The following CFAP45 variants were observed in gnomAD, a reference collection of about 807,000 sequenced individuals.
CFAP45 encodes the protein cilia- and flagella-associated protein 45.
A neutral mutation model predicts 75.6 loss-of-function variants in CFAP45; 43 were observed. The ratio of observed to expected loss-of-function variants is 0.57; its 90% CI spans 0.45 to 0.73. CFAP45 has a LOEUF of 0.73. Ranked by LOEUF, CFAP45 falls within the 30% of genes least tolerant of loss-of-function variation. CFAP45 has a pLI of 0.00. For synonymous variants in CFAP45, 223 were observed against 244.6 expected (o/e 0.91, Z 0.82); for missense variants, 689 against 701.5 (o/e 0.98, Z 0.20).
At chr1:159,888,533 G>A (rs1392649386) in intron 3 of CFAP45, 37 bp from the exon 4 acceptor site, 1 of 1,602,870 alleles carries the variant, frequency 6.2e-7, no homozygotes, top group Admixed American at 1.7e-5. Context: ...GAGGGGAGAG[G>A]GAAAGCTCTC....
In CFAP45 at chr1:159,876,704, A is replaced by C. The variant is rs1649411832; in HGVS notation, c.1204T>G (p.Trp402Gly). The C allele has an allele frequency of 9.9e-6, 16 of 1,613,586 alleles. No homozygotes were observed. The highest frequency in any genetic ancestry group is 1.2e-5 in the Non-Finnish European group (14 of 1,179,940). Residue 402 changes from tryptophan (W) to glycine (G), a missense_variant, in exon 10 of 12, where the codon TGG becomes GGG. Physicochemically the swap from Trp to Gly is radical, Grantham distance 184 (BLOSUM62 -2). Coordinates refer to ENST00000368099, the MANE Select transcript of CFAP45 (RefSeq NM_012337.3). ...KRNQEVADRE[W>G]RRKEKENARK... ...GCATTTTCCTTTTCCTTTCTGCGCC[A>C]CTCTCTGTCTGCAACCTCCTGGTTG...
At chr1:159,880,997 T>G (rs1649536164) in intron 7 of CFAP45, among the ~76,000 whole-genome samples, 1 of 152,216 alleles carries the variant, frequency 6.6e-6, no homozygotes, top group Non-Finnish European at 1.5e-5. Context: ...CTCTCACATG[T>G]TTTGCTAAAT....
chr1:159,896,527 C>G (rs763193367), intron 1 of CFAP45, among the ~76,000 whole-genome samples: 5 of 152,208 alleles, frequency 3.3e-5, no homozygotes, highest in Non-Finnish European at 7.3e-5. Context: ...AAATGTAAAG[C>G]TGGATCCCTC....
At position 159,876,687 on chromosome 1, in the gene CFAP45, CT is replaced by C; in HGVS notation, c.1220del (p.Lys407ArgfsTer119). On this transcript the variant is annotated frameshift_variant, in exon 10 of 12. Transcript: ENST00000368099. LOFTEE classifies it high-confidence loss of function. ...VADREWRRKE[K>X]ENARKKMETE... is the part of the protein sequence containing the mutation. ...TTTCCATCTTCTTCCGCGCATTTTC[CT>C]TTTCCTTTCTGCGCCACTCTCTGTC... 6.2e-7 allele frequency: 1 copy of C among 1,614,194 alleles called. No individual in the cohort carries two copies. The highest frequency in any genetic ancestry group is 1.1e-5 in the South Asian group (1 of 91,080).
chr1:159,878,782 A>AAAAAAAAAAAAAAAAAAAAC (rs1649476344), intron 8 of CFAP45, among the ~76,000 whole-genome samples: 2 of 141,472 alleles, frequency 1.4e-5, no homozygotes, highest in South Asian at 4.5e-4. Context: ...AAAAAAAAAA[A>AAAAAAAAAAAAAAAAAAAAC]CCTTCCTTGC....
chr1:159,881,400 C>A (rs1649547430), intron 7 of CFAP45, among the ~76,000 whole-genome samples: 1 of 152,196 alleles, frequency 6.6e-6, no homozygotes, highest in African/African-American at 2.4e-5. Context: ...TTTCTAAATT[C>A]TCTCTGCACT....
chr1:159,895,682 G>A (rs1649936547), intron 1 of CFAP45, among the ~76,000 whole-genome samples: 1 of 152,216 alleles, frequency 6.6e-6, no homozygotes, highest in Non-Finnish European at 1.5e-5. Flanking sequence ...GCAGCCCCAA[G>A]GATGCCTAAT....
chr1:159,880,579 AC>A lies in CFAP45; in HGVS notation c.1018del (p.Val340Ter). The A allele has an allele frequency of 6.2e-7, 1 of 1,612,782 alleles. No individual in the cohort carries two copies. Among genetic ancestry groups the A allele is most frequent in the South Asian group, 1.1e-5 (1 of 90,784 alleles). The part of the protein sequence containing the change: ...LAQEKLADQM[V>X]MEFTKKKMAR... ...CATCTTCTTCTTGGTAAACTCCATCACCATCTGGTCTGCCAGCTTCTCCTGA... is the reference window on the plus strand; with the variant it reads ...CATCTTCTTCTTGGTAAACTCCATCACATCTGGTCTGCCAGCTTCTCCTGA... On this transcript the variant is annotated frameshift_variant, in exon 8 of 12. Transcript: ENST00000368099. LOFTEE classifies it high-confidence loss of function.
chr1:159,872,489 T>C lies in CFAP45; in HGVS notation c.1652A>G (p.Asn551Ser). ...TGAGGGCCACGAAGGCTCCCCTCAG[T>C]TCACAGAGGTAGCTGGCAGGATGTT... ...KANILPATSV[N>S] Residue 551 changes from asparagine (N) to serine (S), a missense_variant, in exon 12 of 12, where the codon AAC becomes AGC. Physicochemically the swap from Asn to Ser is conservative, Grantham distance 46 (BLOSUM62 1). Transcript: ENST00000368099. 1 of 1,614,028 alleles carries C rather than the reference T, an allele frequency of 6.2e-7. No homozygotes were observed. Among genetic ancestry groups the C allele is most frequent in the East Asian group, 2.2e-5 (1 of 44,866 alleles).
At chr1:159,887,061 T>C (rs1475590065) in intron 5 of CFAP45, among the ~76,000 whole-genome samples, 1 of 151,976 alleles carries the variant, frequency 6.6e-6, no homozygotes, top group African/African-American at 2.4e-5. Flanking sequence ...ACTTCAGAGG[T>C]CCATTGTTCC....
intron 1 of CFAP45, among the ~76,000 whole-genome samples, chr1:159,899,324 A>AACT (rs1233771724): frequency 6.6e-6 from 1 of 152,128 alleles, no homozygotes; most frequent in Non-Finnish European, 1.5e-5. Context: ...TTTATTGACT[A>AACT]ACTACTGAGG....
rs1649729438 is a variant in CFAP45 at position 159,887,901 on chromosome 1, G to A, written c.528C>T (p.Leu176=). ...TCCGCAGCTTGTTGGCTCTCTGCAG[G>A]AGGTTCTGGGCCCGTTCCTTGGCCA... is the stretch of plus-strand genomic sequence containing the variant. The part of the protein sequence containing the change: ...EEVAKERAQN[L]LQRANKLRME... The change falls in exon 5 of 12, where the codon CTC becomes CTT. Residue 176 remains leucine (L), a synonymous_variant. Coordinates refer to ENST00000368099, the MANE Select transcript of CFAP45 (RefSeq NM_012337.3). The A allele has an allele frequency of 6.2e-7, 1 of 1,614,122 alleles. No homozygotes were observed. Among genetic ancestry groups the A allele is most frequent in the African/African-American group, 1.3e-5 (1 of 74,942 alleles).
At chr1:159,887,725 CG>C in intron 5 of CFAP45, 115 bp downstream of exon 5, 2 of 1,064,598 alleles carry the variant, frequency 1.9e-6, no homozygotes, top group Non-Finnish European at 2.7e-6. Flanking sequence ...AGCTCTCCCC[CG>C]CCCCACCCCT....
chr1:159,881,100 G>A (rs1471820662), intron 7 of CFAP45, among the ~76,000 whole-genome samples: 4 of 152,122 alleles, frequency 2.6e-5, no homozygotes, highest in African/African-American at 4.8e-5. Context: ...CAATAGTGAC[G>A]ACTGAAATAA....
intron 10 of CFAP45, among the ~76,000 whole-genome samples, chr1:159,873,753 C>T (rs1033840215): frequency 6.6e-6 from 1 of 152,148 alleles, no homozygotes; most frequent in African/African-American, 2.4e-5. Context: ...GGGTTTCACC[C>T]ACTGGGAACT....
At chr1:159,880,475 TC>T in intron 8 of CFAP45, 78 bp downstream of exon 8, 1 of 1,325,738 alleles carries the variant, frequency 7.5e-7, no homozygotes. Flanking sequence ...CCACTGGAGT[TC>T]CCTTAGTTCT....
At chr1:159,878,030 A>G (rs1484847997) in intron 8 of CFAP45, among the ~76,000 whole-genome samples, 2 of 152,230 alleles carry the variant, frequency 1.3e-5, no homozygotes, top group Non-Finnish European at 2.9e-5. Context: ...TGAGACAGAT[A>G]TTATAGATGA....
At chr1:159,893,105 A>T in intron 2 of CFAP45, 75 bp downstream of exon 2, 1 of 1,551,332 alleles carries the variant, frequency 6.4e-7, no homozygotes, top group Non-Finnish European at 8.9e-7. Context: ...ACTCAGCAGA[A>T]GCTTTGCCCT....
At chr1:159,875,548 T>C (rs1363011394) in intron 10 of CFAP45, among the ~76,000 whole-genome samples, 1 of 152,208 alleles carries the variant, frequency 6.6e-6, no homozygotes, top group Admixed American at 6.5e-5. Flanking sequence ...TGGTCTGGCA[T>C]GCCACTAACT....
Sources: gnomAD v4.1 joint callset for allele counts (sites outside exome capture counted in the v4.1 genomes callset) on GRCh38, gnomAD v4.1.1 for gene constraint, MANE v1.5 for transcripts, NCBI Gene and HGNC (gene_info 2026-07-23, HGNC 2026-07-21) for gene names.